CFAP263: variants seen among roughly 807,000 people sequenced by gnomAD.
CFAP263 encodes the protein cilia- and flagella-associated protein 263.
chr16:58,279,864 C>T, the CFAP263 span: 3 of 1,064,672 alleles, frequency 2.8e-6, no homozygotes, highest in Non-Finnish European at 4.2e-6. Flanking sequence ...CTCACTGTTC[C>T]CTGTCTGCCT....
At chr16:58,258,082 T>C in the CFAP263 span, among the ~76,000 whole-genome samples, 1 of 139,824 alleles carries the variant, frequency 7.2e-6, no homozygotes, top group African/African-American at 2.7e-5. Flanking sequence ...CACTCCAGCC[T>C]GGGCAATAGA....
At chr16:58,268,818 A>AT in the CFAP263 span, among the ~76,000 whole-genome samples, 5 of 152,092 alleles carry the variant, frequency 3.3e-5, no homozygotes, top group Admixed American at 1.3e-4. Context: ...CTTAAAATTG[A>AT]TTTTTTTTAA....
the CFAP263 span, among the ~76,000 whole-genome samples, chr16:58,272,522 G>A: frequency 6.6e-6 from 1 of 152,250 alleles, no homozygotes; most frequent in South Asian, 2.1e-4. Context: ...AATGCTGTAG[G>A]AAATTATAAT....
the CFAP263 span, chr16:58,280,012 T>A: frequency 1.6e-6 from 1 of 626,238 alleles, no homozygotes; most frequent in East Asian, 2.7e-5. Context: ...TGACACTTGT[T>A]AGCCAGCATT....
the CFAP263 span, chr16:58,281,739 C>G: frequency 6.6e-6 from 1 of 152,420 alleles, no homozygotes. Flanking sequence ...CAATTAACAA[C>G]AGGAAACAAT....
chr16:58,258,361 C>G, the CFAP263 span: 1 of 1,613,330 alleles, frequency 6.2e-7, no homozygotes, highest in Non-Finnish European at 8.5e-7. Flanking sequence ...TGTGCTGACT[C>G]CCCCAGGCGA....
the CFAP263 span, among the ~76,000 whole-genome samples, chr16:58,269,656 A>G: frequency 6.6e-6 from 1 of 152,110 alleles, no homozygotes; most frequent in Non-Finnish European, 1.5e-5. Flanking sequence ...ATCATGTATC[A>G]TTTGTTTATT....
the CFAP263 span, among the ~76,000 whole-genome samples, chr16:58,275,486 G>T: frequency 6.6e-6 from 1 of 151,950 alleles, no homozygotes; most frequent in African/African-American, 2.4e-5. Context: ...AAATTCCTTT[G>T]GGGGGTAAAA....
At chr16:58,268,947 A>G in the CFAP263 span, among the ~76,000 whole-genome samples, 1 of 152,176 alleles carries the variant, frequency 6.6e-6, no homozygotes, top group Non-Finnish European at 1.5e-5. Flanking sequence ...AGTTCAGTGG[A>G]TTATAATATA....
the CFAP263 span, among the ~76,000 whole-genome samples, chr16:58,253,686 CCT>C: frequency 3.3e-5 from 5 of 152,322 alleles, no homozygotes; most frequent in Admixed American, 2.0e-4. Context: ...TGAGCTTTCC[CCT>C]GTCTTTGACT....
the CFAP263 span, among the ~76,000 whole-genome samples, chr16:58,261,197 C>T: frequency 6.6e-6 from 1 of 152,144 alleles, no homozygotes; most frequent in East Asian, 1.9e-4. Flanking sequence ...CCAGGAGGGC[C>T]ACAGCCACTG....
chr16:58,267,497 A>G, the CFAP263 span: 3 of 1,613,472 alleles, frequency 1.9e-6, no homozygotes, highest in South Asian at 1.1e-5. Context: ...TCACAAGGCA[A>G]TGGAAATATA....
At chr16:58,269,401 GAA>G in the CFAP263 span, among the ~76,000 whole-genome samples, 11 of 144,510 alleles carry the variant, frequency 7.6e-5, no homozygotes, top group South Asian at 4.4e-4. Flanking sequence ...AAAGAGGAAA[GAA>G]AGGAAAGAAA....
At chr16:58,279,858 C>T in the CFAP263 span, 2 of 1,128,266 alleles carry the variant, frequency 1.8e-6, no homozygotes, top group East Asian at 2.4e-5. Context: ...GCTCCTCTCA[C>T]TGTTCCCTGT....
the CFAP263 span, among the ~76,000 whole-genome samples, chr16:58,269,608 C>G: frequency 6.6e-6 from 1 of 152,116 alleles, no homozygotes; most frequent in Non-Finnish European, 1.5e-5. Flanking sequence ...TTATGAGTGG[C>G]TTTTTTCACT....
At chr16:58,276,136 G>A in the CFAP263 span, among the ~76,000 whole-genome samples, 1 of 152,040 alleles carries the variant, frequency 6.6e-6, no homozygotes, top group South Asian at 2.1e-4. Flanking sequence ...AGAAAAAATG[G>A]ACAAAAGTTG....
the CFAP263 span, chr16:58,279,934 G>T: frequency 1.5e-6 from 1 of 656,950 alleles, no homozygotes. Flanking sequence ...CTGCCCATGG[G>T]GAGTGTTTTC....
chr16:58,258,053 A>G, the CFAP263 span, among the ~76,000 whole-genome samples: 1 of 147,984 alleles, frequency 6.8e-6, no homozygotes, highest in East Asian at 2.0e-4. Context: ...GGTTGCAATG[A>G]GGTGAGATTG....
At chr16:58,273,045 G>A in the CFAP263 span, among the ~76,000 whole-genome samples, 3 of 152,092 alleles carry the variant, frequency 2.0e-5, no homozygotes, top group African/African-American at 7.2e-5. Flanking sequence ...TAAGAAATCA[G>A]CTGTTAATCT....
Sources: allele counts gnomAD v4.1 joint callset (sites outside exome capture counted in the v4.1 genomes callset), GRCh38; gene constraint gnomAD v4.1.1; transcripts MANE v1.5; gene names NCBI Gene and HGNC (gene_info 2026-07-23, HGNC 2026-07-21).